Variants in CPO observed in about 807,000 individuals in gnomAD.
The protein encoded by CPO is metallocarboxypeptidase C.
CPO carries 43 observed loss-of-function variants against 41.2 expected under a neutral mutation model. That is an observed-to-expected ratio of 1.04 (90% confidence interval 0.82 to 1.35). The LOEUF (loss-of-function observed/expected upper bound fraction) is 1.35, where lower values mean the gene tolerates loss of function less well. Among genes scored for constraint, CPO ranks in the 40% most tolerant of loss-of-function variants. CPO has a pLI of 0.00. For missense variants in CPO, 408 were observed against 451.7 expected (o/e 0.90, Z 0.88); for synonymous variants, 178 against 162.7 (o/e 1.09, Z -0.72).
At position 206,958,728 on chromosome 2, in the gene CPO, G is replaced by GTTTTTT. The variant is rs752377148; in HGVS notation, c.372+348_372+353dup. Among the ~76,000 whole-genome samples, 46 of 53,334 alleles carry GTTTTTT rather than the reference G, an allele frequency of 8.6e-4. 3 individuals are homozygous for GTTTTTT. The highest frequency in any genetic ancestry group is 2.4e-3 in the African/African-American group (35 of 14,624). 35.0% of individuals were successfully genotyped at this position (53,334 alleles called of 152,430 possible). A position where few individuals can be genotyped will look rare whatever the true frequency, so the allele number is the denominator to read the frequency against. On this transcript the variant is annotated intron_variant, in intron 4 of 8. Coordinates refer to ENST00000272852, the MANE Select transcript of CPO (RefSeq NM_173077.3). ...CTAATAGTATTTGGCAAATTTTCTA[G>GTTTTTT]TTTTTTTTTTTTTTTTTTTTTTTTT...
At position 206,939,567 on chromosome 2, in the gene CPO, G is replaced by A. The variant is rs776797489; in HGVS notation, c.-33G>A. ...AGGACACTTGATCCACTGCCAGAGA[G>A]GCCCAGAATTTTCTAACTTACTGTG... On this transcript the variant is annotated 5_prime_UTR_variant, in exon 1 of 9. Transcript: ENST00000272852. 14 of 1,588,866 alleles carry A rather than the reference G, an allele frequency of 8.8e-6. No individual in the cohort carries two copies. The highest frequency in any genetic ancestry group is 1.1e-5 in the Non-Finnish European group (13 of 1,158,324).
chr2:206,960,774 C>G (rs1454658938), intron 5 of CPO, 78 bp from the exon 6 acceptor site: 1 of 1,004,668 alleles, frequency 1.0e-6, no homozygotes, highest in Non-Finnish European at 1.6e-6. Flanking sequence ...TTTTCATGTT[C>G]AAGGACCACC....
At chr2:206,939,712 T>A in intron 1 of CPO, 45 bp downstream of exon 1, 3 of 1,511,254 alleles carry the variant, frequency 2.0e-6, no homozygotes, top group Non-Finnish European at 1.8e-6. Flanking sequence ...TAATTTAGAT[T>A]GTCTAAATTG....
At chr2:206,940,284 A>G (rs1302312622) in intron 1 of CPO, among the ~76,000 whole-genome samples, 2 of 152,012 alleles carry the variant, frequency 1.3e-5, no homozygotes, top group Non-Finnish European at 2.9e-5. Flanking sequence ...GCTTTTTGCA[A>G]ATCTTTAATT....
intron 1 of CPO, among the ~76,000 whole-genome samples, chr2:206,945,028 T>G (rs1330986868): frequency 2.0e-5 from 3 of 152,156 alleles, no homozygotes; most frequent in African/African-American, 7.2e-5. Flanking sequence ...TGAATTGTAT[T>G]TTAACACTTA....
intron 2 of CPO, among the ~76,000 whole-genome samples, chr2:206,951,170 C>T (rs1002809885): frequency 6.6e-6 from 1 of 152,170 alleles, no homozygotes; most frequent in Non-Finnish European, 1.5e-5. Flanking sequence ...TACCTTACAA[C>T]TACACCCTCT....
chr2:206,939,702 T>G (rs1049285770), intron 1 of CPO, 35 bp downstream of exon 1: 1 of 1,562,698 alleles, frequency 6.4e-7, no homozygotes, highest in African/African-American at 1.4e-5. Context: ...CTGATTATTA[T>G]AATTTAGATT....
At position 206,939,522 on chromosome 2, in the gene CPO, T is replaced by C; in HGVS notation, c.-78T>C. 8.9e-7 allele frequency: 1 copy of C among 1,129,736 alleles called. No homozygotes were observed. The highest frequency in any genetic ancestry group is 1.3e-5 in the South Asian group (1 of 79,336). The allele number at this position is 1,129,736 out of a possible 1,614,324, so 70.0% of individuals were successfully genotyped here. A position where few individuals can be genotyped will look rare whatever the true frequency, so the allele number is the denominator to read the frequency against. On this transcript the variant is annotated 5_prime_UTR_variant, in exon 1 of 9. Coordinates refer to ENST00000272852, the MANE Select transcript of CPO (RefSeq NM_173077.3). ...CTCATCTTGATTGTGGGAGCCACAG[T>C]CTTGATGCATTCATTCTCAAGGACA...
At chr2:206,962,759 C>A in intron 7 of CPO, 145 bp downstream of exon 7, 2 of 654,850 alleles carry the variant, frequency 3.1e-6, no homozygotes, top group Non-Finnish European at 5.3e-6. Flanking sequence ...GCTTTTGCAC[C>A]TTGCCAGACG....
At chr2:206,961,251 CAG>C (rs534591323) in intron 6 of CPO, among the ~76,000 whole-genome samples, 7 of 152,108 alleles carry the variant, frequency 4.6e-5, no homozygotes, top group Non-Finnish European at 1.0e-4. Context: ...AAAGAAAAAT[CAG>C]AGACTTATCC....
chr2:206,967,423 G>T lies in CPO; in HGVS notation c.778-840G>T, dbSNP rs151234766. Among the ~76,000 whole-genome samples the T allele has an allele frequency of 3.4e-3, 517 of 151,434 alleles. 5 individuals carry two copies. The highest frequency in any genetic ancestry group is 0.011 in the African/African-American group (468 of 41,200). ...ACACTATAAGGAAAAAGAAGAGGGGGGTCAGAGAGAGGAATGAAGAAACAG... is the reference window on the plus strand; with the variant it reads ...ACACTATAAGGAAAAAGAAGAGGGGTGTCAGAGAGAGGAATGAAGAAACAG... On this transcript the variant is annotated intron_variant, in intron 7 of 8. Transcript: ENST00000272852.
chr2:206,964,327 A>T, intron 7 of CPO, among the ~76,000 whole-genome samples: 1 of 152,226 alleles, frequency 6.6e-6, no homozygotes, highest in East Asian at 1.9e-4. Flanking sequence ...ATTTTGTAAC[A>T]TGTGGAAATA....
At chr2:206,968,371 C>T in intron 8 of CPO, 24 bp downstream of exon 8, 1 of 1,358,308 alleles carries the variant, frequency 7.4e-7, no homozygotes, top group Non-Finnish European at 1.1e-6. Context: ...TTTGCCTCTT[C>T]AATAGTATCT....
chr2:206,941,196 AAT>A (rs1436088129), intron 1 of CPO, among the ~76,000 whole-genome samples: 2 of 152,038 alleles, frequency 1.3e-5, no homozygotes, highest in East Asian at 1.9e-4. Context: ...CTTTATTTAT[AAT>A]ATATATATTC....
At chr2:206,953,601 C>T (rs12473295) in intron 2 of CPO, among the ~76,000 whole-genome samples, 101,916 of 152,104 alleles carry the variant, frequency 0.67, 34,670 homozygotes, top group Middle Eastern at 0.77. Flanking sequence ...GTCTGCAGTT[C>T]TTCCAGGTGC....
chr2:206,956,226 A>G (rs1453167), intron 3 of CPO, among the ~76,000 whole-genome samples: 1 of 151,946 alleles, frequency 6.6e-6, no homozygotes, highest in Non-Finnish European at 1.5e-5. Context: ...TAAAATCACC[A>G]GAGAGCTGCC....
At chr2:206,947,148 A>T (rs1693159936) in intron 1 of CPO, among the ~76,000 whole-genome samples, 1 of 152,192 alleles carries the variant, frequency 6.6e-6, no homozygotes. Context: ...AAGTCAAAGG[A>T]CTGACAGTAC....
chr2:206,969,186 G>T lies in CPO; in HGVS notation c.875G>T (p.Gly292Val). ...TTTTCACCTGTAGATGCCTCATCAG[G>T]GTCTTCAAGAGATTGGGCCCGAGAC... ...SSADILYASS[G>V]SSRDWARDIG... Residue 292 changes from glycine (G) to valine (V), a missense_variant, in exon 9 of 9, where the codon GGG becomes GTG. By Grantham distance (109) the Gly-to-Val change is moderately radical. Transcript: ENST00000272852. 6.2e-7 allele frequency: 1 copy of T among 1,614,084 alleles called. No individual in the cohort carries two copies. Among genetic ancestry groups the T allele is most frequent in the Non-Finnish European group, 8.5e-7 (1 of 1,179,952 alleles).
At chr2:206,953,429 A>G (rs1693302556) in intron 2 of CPO, among the ~76,000 whole-genome samples, 1 of 152,258 alleles carries the variant, frequency 6.6e-6, no homozygotes, top group South Asian at 2.1e-4. Flanking sequence ...ATAGAGCAGT[A>G]ATTAAATCTT....
Sources: gnomAD v4.1 joint callset for allele counts (sites outside exome capture counted in the v4.1 genomes callset) on GRCh38, gnomAD v4.1.1 for gene constraint, MANE v1.5 for transcripts, NCBI Gene and HGNC (gene_info 2026-07-23, HGNC 2026-07-21) for gene names.